ASNS: variants seen among roughly 807,000 people sequenced by gnomAD.
The protein encoded by ASNS is asparagine synthetase [glutamine-hydrolyzing].
Under a neutral mutation model 62.6 loss-of-function variants are expected in ASNS, and 37 were observed. That is an observed-to-expected ratio of 0.59 (90% CI 0.45 to 0.78). The LOEUF (loss-of-function observed/expected upper bound fraction) is 0.78. Among genes scored for constraint, ASNS ranks in the 30% least tolerant of loss-of-function variants. ASNS has a pLI of 0.00. For missense variants in ASNS, 520 were observed against 682.4 expected (o/e 0.76, Z 2.65); for synonymous variants, 207 against 237.9 (o/e 0.87, Z 1.19).
At chr7:97,896,739 CACATATATATATATATAT>C in the ASNS span, among the ~76,000 whole-genome samples, 3 of 32,000 alleles carry the variant, frequency 9.4e-5, no homozygotes, top group East Asian at 1.5e-3. Flanking sequence ...CACACACACA[CACATATATATATATATAT>C]ATATATATAT....
upstream of ASNS, among the ~76,000 whole-genome samples, chr7:97,873,031 C>T (rs868748700): frequency 2.6e-5 from 4 of 152,190 alleles, no homozygotes; most frequent in Non-Finnish European, 5.9e-5. Flanking sequence ...GAGGTGAGCT[C>T]AACTCCAGCC....
At chr7:97,914,155 G>C in the ASNS span, among the ~76,000 whole-genome samples, 7 of 2,462 alleles carry the variant, frequency 2.8e-3, no homozygotes, top group African/African-American at 8.3e-3. Flanking sequence ...TGGATGCATG[G>C]ATGGATGGAT....
the ASNS span, among the ~76,000 whole-genome samples, chr7:97,888,715 T>C: frequency 3.3e-5 from 5 of 152,226 alleles, no homozygotes; most frequent in Non-Finnish European, 2.9e-5. Flanking sequence ...ACTGAGGGAA[T>C]TCCCCCTTCT....
chr7:97,858,274 T>C lies in ASNS; in HGVS notation c.903+4A>G. 2 of 1,612,718 alleles carry C rather than the reference T, an allele frequency of 1.2e-6. No individual in the cohort carries two copies. Among genetic ancestry groups the C allele is most frequent in the Non-Finnish European group, 1.7e-6 (2 of 1,179,940 alleles). On this transcript the variant is annotated splice_donor_region_variant and intron_variant, in intron 7 of 12. Coordinates refer to ENST00000394308, the MANE Select transcript of ASNS (RefSeq NM_001673.5). The stretch of plus-strand genomic sequence containing the variant: ...CTACACAAGGGACAGAGACAGCACC[T>C]TACCTTTCTAGCAGCCAGTAAATCG...
At position 97,853,090 on chromosome 7, in the gene ASNS, A is replaced by G. The variant is rs764364146; in HGVS notation, c.1446T>C (p.Phe482=). ...DGITSVKNSW[F]KILQEYVEHQ... is the part of the protein sequence containing the mutation. ...GTTCAACGTATTCCTGTAAAATCTT[A>G]AACCAGGAATTCTTAACTGAAGTTA... The change falls in exon 12 of 13, where the codon TTT becomes TTC. Residue 482 remains phenylalanine, a synonymous_variant. Transcript: ENST00000394308. The G allele has an allele frequency of 6.3e-7, 1 of 1,593,760 alleles. No individual in the cohort carries two copies. Among genetic ancestry groups the G allele is most frequent in the South Asian group, 1.2e-5 (1 of 86,926 alleles).
At chr7:97,926,252 C>T in the ASNS span, among the ~76,000 whole-genome samples, 2 of 152,038 alleles carry the variant, frequency 1.3e-5, no homozygotes, top group Non-Finnish European at 2.9e-5. Flanking sequence ...CCATCCAGAG[C>T]ACCAGGCCTG....
rs374069172 is a variant in ASNS, at chr7:97,855,415, C to T, written c.1075G>A (p.Val359Met). 2.4e-5 allele frequency: 39 copies of T among 1,612,248 alleles called. No homozygotes were observed. The highest frequency in any genetic ancestry group is 3.0e-5 in the Non-Finnish European group (35 of 1,179,546). ...SKYIRKNTDS[V>M]VIFSGEGSDE... Reference sequence around the variant, plus strand: ...GATCCTTCTCCAGAGAAGATCACCACGCTATCTGTGTTCTTCCGAATATAC... The same window carrying T: ...GATCCTTCTCCAGAGAAGATCACCATGCTATCTGTGTTCTTCCGAATATAC... The change falls in exon 9 of 13, where the codon GTG becomes ATG. Residue 359 changes from valine to methionine, a missense_variant. By Grantham distance (21) the Val-to-Met change is conservative. Coordinates refer to ENST00000394308, the MANE Select transcript of ASNS (RefSeq NM_001673.5).
chr7:97,889,698 TA>T, the ASNS span, among the ~76,000 whole-genome samples: 1 of 151,216 alleles, frequency 6.6e-6, no homozygotes, highest in Non-Finnish European at 1.5e-5. Context: ...CTTTCCCATA[TA>T]AAAGCCAATC....
At chr7:97,868,541 G>A (rs1270529221) in intron 3 of ASNS, among the ~76,000 whole-genome samples, 1 of 151,986 alleles carries the variant, frequency 6.6e-6, no homozygotes, top group African/African-American at 2.4e-5. Context: ...GTGTGTGTGT[G>A]TGTAGAAAGA....
the ASNS span, among the ~76,000 whole-genome samples, chr7:97,915,482 T>A: frequency 1.3e-5 from 2 of 152,174 alleles, no homozygotes. Context: ...CGAACAGGCA[T>A]GGCCCTGGCC....
Position 97,856,770 on chromosome 7 carries a change from G to A in ASNS, c.950C>T (p.Ser317Phe). 1 of 1,612,898 alleles carries A rather than the reference G, an allele frequency of 6.2e-7. No individual in the cohort carries two copies. The highest frequency in any genetic ancestry group is 8.5e-7 in the Non-Finnish European group (1 of 1,179,162). Residue 317 changes from serine to phenylalanine, a missense_variant, in exon 8 of 13, where the codon TCT becomes TTT. Physicochemically the swap from Ser to Phe is radical, Grantham distance 155. Coordinates refer to ENST00000394308, the MANE Select transcript of ASNS (RefSeq NM_001673.5). ...GSEHYEVLFN[S>F]EEGIQALDEV... The stretch of plus-strand genomic sequence containing the variant: ...ATCCAGAGCCTGAATGCCTTCCTCA[G>A]AGTTAAAAAGGACTTCATAATGTTC...
the ASNS span, among the ~76,000 whole-genome samples, chr7:97,890,347 A>G: frequency 6.6e-6 from 1 of 152,166 alleles, no homozygotes; most frequent in Non-Finnish European, 1.5e-5. Context: ...TACCAAATAA[A>G]TACAACTCAA....
chr7:97,905,328 C>T, the ASNS span, among the ~76,000 whole-genome samples: 1 of 152,132 alleles, frequency 6.6e-6, no homozygotes, highest in Non-Finnish European at 1.5e-5. Context: ...ACCACACCCA[C>T]CTGGAAAATC....
the ASNS span, among the ~76,000 whole-genome samples, chr7:97,883,450 G>C: frequency 6.8e-6 from 1 of 148,142 alleles, no homozygotes; most frequent in East Asian, 2.1e-4. Flanking sequence ...ACCAAGTCAC[G>C]TGGGTTTTAC....
the ASNS span, among the ~76,000 whole-genome samples, chr7:97,899,736 AT>A: frequency 6.6e-6 from 1 of 152,210 alleles, no homozygotes; most frequent in African/African-American, 2.4e-5. Context: ...GCTGTAGCGT[AT>A]GTACTTTCCT....
chr7:97,881,380 C>T, the ASNS span, among the ~76,000 whole-genome samples: 1 of 151,670 alleles, frequency 6.6e-6, no homozygotes, highest in Non-Finnish European at 1.5e-5. Flanking sequence ...ATTAACACCC[C>T]CCGCCCCCCC....
chr7:97,916,874 G>C, the ASNS span, among the ~76,000 whole-genome samples: 3 of 152,222 alleles, frequency 2.0e-5, no homozygotes, highest in Admixed American at 1.3e-4. Flanking sequence ...TATTTGGAGA[G>C]AGATGGCAGG....
the ASNS span, among the ~76,000 whole-genome samples, chr7:97,905,454 G>T: frequency 6.6e-6 from 1 of 152,182 alleles, no homozygotes; most frequent in Non-Finnish European, 1.5e-5. Flanking sequence ...TCCAACTCTA[G>T]GGTAGACTTC....
intron 3 of ASNS, among the ~76,000 whole-genome samples, chr7:97,864,713 C>A (rs1376193035): frequency 6.6e-6 from 1 of 152,114 alleles, no homozygotes; most frequent in Non-Finnish European, 1.5e-5. Flanking sequence ...ATTTTAGTTG[C>A]AGTCTGATAA....
Sources: allele counts gnomAD v4.1 joint callset (sites outside exome capture counted in the v4.1 genomes callset), GRCh38; gene constraint gnomAD v4.1.1; transcripts MANE v1.5; gene names NCBI Gene and HGNC (gene_info 2026-07-23, HGNC 2026-07-21).